Variants in NKAIN2 observed in about 807,000 individuals in gnomAD.
NKAIN2 encodes the protein sodium/potassium transporting ATPase interacting 2, also known as sodium/potassium-transporting ATPase subunit beta-1-interacting protein 2.
Under a neutral mutation model 32.6 loss-of-function variants are expected in NKAIN2, and 14 were observed. That is an observed-to-expected ratio of 0.43 (90% CI 0.28 to 0.67). NKAIN2 has a LOEUF of 0.67. Among genes scored for constraint, NKAIN2 ranks in the 30% least tolerant of loss-of-function variants. The pLI is 0.17. For missense variants in NKAIN2, 198 were observed against 258.3 expected (o/e 0.77, Z 1.60); for synonymous variants, 80 against 87.2 (o/e 0.92, Z 0.46).
intron 4 of NKAIN2, among the ~76,000 whole-genome samples, chr6:124,770,468 C>A (rs2114757822): frequency 6.6e-6 from 1 of 152,286 alleles, no homozygotes; most frequent in South Asian, 2.1e-4. Context: ...ATCCCATTTC[C>A]ATTTCCCCAG....
intron 1 of NKAIN2, among the ~76,000 whole-genome samples, chr6:124,232,091 T>G (rs1010996999): frequency 3.3e-5 from 5 of 152,124 alleles, no homozygotes; most frequent in Non-Finnish European, 7.3e-5. Context: ...TCGGTCGACA[T>G]TCAAATATTT....
intron 3 of NKAIN2, among the ~76,000 whole-genome samples, chr6:124,450,748 T>A (rs145635431): frequency 2.0e-4 from 30 of 152,154 alleles, no homozygotes; most frequent in African/African-American, 6.7e-4. Flanking sequence ...CCTGAGATTG[T>A]TAGATAATTG....
At chr6:124,620,333 C>T (rs1035143416) in intron 3 of NKAIN2, among the ~76,000 whole-genome samples, 2 of 152,124 alleles carry the variant, frequency 1.3e-5, no homozygotes, top group African/African-American at 2.4e-5. Context: ...CTCATCTATG[C>T]AAGTAATCAT....
rs1230582352 is a variant in NKAIN2 at position 124,775,450 on chromosome 6, A to G, written c.475-15889A>G. Among the ~76,000 whole-genome samples the G allele has an allele frequency of 3.3e-5, 5 of 152,330 alleles. No homozygotes were observed. In the East Asian group the frequency reaches 5.8e-4, roughly 18 times the overall value. ...CTTTAAAAACAACAACGAAACCTAC[A>G]TTATAAATTGAAGTCATCTCCAAGT... On this transcript the variant is annotated intron_variant, in intron 4 of 6. Coordinates refer to ENST00000368417, the MANE Select transcript of NKAIN2 (RefSeq NM_001040214.3).
chr6:124,472,771 T>A (rs1777027714), intron 3 of NKAIN2, among the ~76,000 whole-genome samples: 1 of 151,864 alleles, frequency 6.6e-6, no homozygotes, highest in Non-Finnish European at 1.5e-5. Flanking sequence ...TTTAAGGAGA[T>A]TTTTTAGATA....
intron 2 of NKAIN2, among the ~76,000 whole-genome samples, chr6:124,308,489 A>G (rs540959740): frequency 1.7e-4 from 26 of 152,356 alleles, no homozygotes; most frequent in African/African-American, 6.3e-4. Flanking sequence ...AAACAGATAT[A>G]AACATTTAAA....
chr6:124,541,261 T>C (rs17051958), intron 3 of NKAIN2, among the ~76,000 whole-genome samples: 1,896 of 152,294 alleles, frequency 0.012, 38 homozygotes, highest in African/African-American at 0.043. Flanking sequence ...TTTAGGGTGG[T>C]AGTCTCTATA....
At chr6:124,627,957 C>T (rs117537772) in intron 3 of NKAIN2, among the ~76,000 whole-genome samples, 5,249 of 152,240 alleles carry the variant, frequency 0.034, 136 homozygotes, top group Middle Eastern at 0.071. Context: ...TAACCACTCA[C>T]GCACAAACTC....
intron 1 of NKAIN2, among the ~76,000 whole-genome samples, chr6:124,074,013 ATGGC>A (rs1191575529): frequency 2.0e-5 from 3 of 152,184 alleles, no homozygotes; most frequent in African/African-American, 7.2e-5. Context: ...TCACAGTTTC[ATGGC>A]TATGATTTAT....
intron 3 of NKAIN2, among the ~76,000 whole-genome samples, chr6:124,637,472 G>A (rs1028437344): frequency 6.6e-6 from 1 of 151,868 alleles, no homozygotes; most frequent in African/African-American, 2.4e-5. Context: ...TAACATTTTT[G>A]TGTTATTTTT....
At chr6:124,648,227 A>G (rs1267148740) in intron 3 of NKAIN2, among the ~76,000 whole-genome samples, 1 of 152,184 alleles carries the variant, frequency 6.6e-6, no homozygotes. Context: ...TGTTTAGGCC[A>G]TCTGAGTTTG....
chr6:124,747,013 T>C (rs537474564), intron 4 of NKAIN2, among the ~76,000 whole-genome samples: 101 of 152,090 alleles, frequency 6.6e-4, no homozygotes, highest in African/African-American at 2.4e-3. Flanking sequence ...TTAAGCCTAG[T>C]AGGTATTTTT....
intron 4 of NKAIN2, among the ~76,000 whole-genome samples, chr6:124,743,607 A>G (rs1456192644): frequency 3.3e-5 from 5 of 151,850 alleles, no homozygotes; most frequent in Non-Finnish European, 7.4e-5. Context: ...TGATAACATG[A>G]TATCCCTCTC....
At chr6:123,974,174 G>C (rs911537632) in intron 1 of NKAIN2, among the ~76,000 whole-genome samples, 3 of 152,140 alleles carry the variant, frequency 2.0e-5, no homozygotes, top group Non-Finnish European at 4.4e-5. Context: ...AGCATTACAG[G>C]ATGCACAAGA....
intron 3 of NKAIN2, among the ~76,000 whole-genome samples, chr6:124,558,157 G>A (rs765960129): frequency 9.2e-5 from 14 of 152,166 alleles, no homozygotes; most frequent in Non-Finnish European, 2.1e-4. Flanking sequence ...AAAAACAATA[G>A]GTGATGAAGT....
intron 3 of NKAIN2, among the ~76,000 whole-genome samples, chr6:124,503,915 A>G (rs1778383382): frequency 6.6e-6 from 1 of 152,162 alleles, no homozygotes; most frequent in South Asian, 2.1e-4. Context: ...CACAGACTAT[A>G]TAAATTACAT....
intron 2 of NKAIN2, among the ~76,000 whole-genome samples, chr6:124,317,047 C>A (rs572504331): frequency 6.6e-6 from 1 of 152,150 alleles, no homozygotes; most frequent in East Asian, 1.9e-4. Context: ...TGCTTATAGT[C>A]CCAGCTGCTC....
At position 124,501,505 on chromosome 6, in the gene NKAIN2, G is replaced by A. The variant is rs962830574; in HGVS notation, c.273+146158G>A. ...AATGGATTTTGTAACCTACTGTAGC[G>A]TGGAAGGTAGTTCGGTCCACTATCC... On this transcript the variant is annotated intron_variant, in intron 3 of 6. Coordinates refer to ENST00000368417, the MANE Select transcript of NKAIN2 (RefSeq NM_001040214.3). 3.3e-5 allele frequency among the ~76,000 whole-genome samples: 5 copies of A among 152,122 alleles called. No homozygotes were observed. In the East Asian group the frequency reaches 5.8e-4, roughly 18 times the overall value.
At chr6:124,115,150 A>G (rs2114977661) in intron 1 of NKAIN2, among the ~76,000 whole-genome samples, 1 of 152,318 alleles carries the variant, frequency 6.6e-6, no homozygotes, top group East Asian at 1.9e-4. Flanking sequence ...CAGGGAAATA[A>G]TTATTTAACG....
Sources: allele counts gnomAD v4.1 joint callset (sites outside exome capture counted in the v4.1 genomes callset), GRCh38; gene constraint gnomAD v4.1.1; transcripts MANE v1.5; gene names NCBI Gene and HGNC (gene_info 2026-07-23, HGNC 2026-07-21).